ZNF747: variants seen among roughly 807,000 people sequenced by gnomAD.
ZNF747 encodes the protein zinc finger protein 747.
In ZNF747, 14 loss-of-function variants were observed where a neutral mutation model predicts 13.4. That is an observed-to-expected ratio of 1.04 (90% CI 0.69 to 1.63). The LOEUF (loss-of-function observed/expected upper bound fraction) is 1.63. Among genes scored for constraint, ZNF747 ranks in the 40% most tolerant of loss-of-function variants. The pLI, the probability that ZNF747 is intolerant of heterozygous loss-of-function variation, is 0.00. For missense variants in ZNF747, 532 were observed against 477.9 expected (o/e 1.11, Z -1.05); for synonymous variants, 212 against 206.5 (o/e 1.03, Z -0.23).
Position 30,532,754 on chromosome 16 carries a change from G to T in ZNF747, c.741C>A (p.Phe247Leu). The change falls in exon 3 of 3, where the codon TTC (phenylalanine) becomes TTA (leucine). Residue 247 changes from phenylalanine to leucine, a missense_variant. Physicochemically the swap from Phe to Leu is conservative, Grantham distance 22. Coordinates refer to ENST00000693075, the MANE Select transcript of ZNF747 (RefSeq NM_001305018.2). ...GAGAAGTCAGCGCCGTGCGGCGCAT[G>T]AAGGCCCGACCACACTCGGGACAGC... ...PHRCPECGRA[F>L]MRRTALTSHL... The T allele has an allele frequency of 6.5e-7, 1 of 1,545,070 alleles. No homozygotes were observed. Among genetic ancestry groups the T allele is most frequent in the Non-Finnish European group, 8.7e-7 (1 of 1,148,106 alleles).
rs2051367477 is a variant in ZNF747 at position 30,531,120 on chromosome 16, A to G, written c.*1379T>C. On this transcript the variant is annotated 3_prime_UTR_variant, in exon 3 of 3. Transcript: ENST00000693075. ...ATGCAAGGACTGTTTTGACACAGAC[A>G]TGGGTTCAAGAAATACTTCCCTTTC... The G allele has an allele frequency of 1.3e-5, 2 of 152,288 alleles. No individual in the cohort carries two copies. Among genetic ancestry groups the G allele is most frequent in the African/African-American group, 2.4e-5 (1 of 41,470 alleles). 9.4% of individuals were successfully genotyped at this position (152,288 alleles called of 1,614,324 possible). A position where few individuals can be genotyped will look rare whatever the true frequency, so the allele number is the denominator to read the frequency against.
At position 30,532,437 on chromosome 16, in the gene ZNF747, G is replaced by C; in HGVS notation, c.*62C>G. The C allele has an allele frequency of 6.5e-7, 1 of 1,533,596 alleles. No individual in the cohort carries two copies. Among genetic ancestry groups the C allele is most frequent in the Non-Finnish European group, 8.8e-7 (1 of 1,138,264 alleles). 95.0% of individuals were successfully genotyped at this position (1,533,596 alleles called of 1,614,324 possible). On this transcript the variant is annotated 3_prime_UTR_variant, in exon 3 of 3. Transcript: ENST00000693075. ...GACCTCCCTGCAGGCCGCTGCAGAG[G>C]TTCGGGCCCCTGAGCCCATCTCGGG...
rs749356420 is a variant in ZNF747 at position 30,532,895 on chromosome 16, G to A, written c.600C>T (p.His200=). The change falls in exon 3 of 3, where the codon CAC becomes CAT. Residue 200 remains histidine, a synonymous_variant. Coordinates refer to ENST00000693075, the MANE Select transcript of ZNF747 (RefSeq NM_001305018.2). ...SFAWRSTLVE[H]IYSHRGEKPF... ...GCTTCTCGCCCCTGTGGCTGTAAAT[G>A]TGCTCCACCAGTGTGGAGCGCCAGG... 1 of 1,599,936 alleles carries A rather than the reference G, an allele frequency of 6.3e-7. No individual in the cohort carries two copies. The highest frequency in any genetic ancestry group is 8.5e-7 in the Non-Finnish European group (1 of 1,175,842).
At chr16:30,534,083 T>G in intron 2 of ZNF747, 114 bp downstream of exon 2, 1 of 1,387,336 alleles carries the variant, frequency 7.2e-7, no homozygotes, top group Non-Finnish European at 9.5e-7. Context: ...TGGCCGCAGT[T>G]GAGGAGGCAG....
At chr16:30,534,354 TG>T (rs1336511251) in intron 1 of ZNF747, 44 bp from the exon 2 acceptor site, 1 of 1,556,728 alleles carries the variant, frequency 6.4e-7, no homozygotes, top group South Asian at 1.2e-5. Context: ...GGAGGCCGCC[TG>T]CCCGGCCCCG....
rs2051370046 is a variant in ZNF747, at chr16:30,531,267, T to C, written c.*1232A>G. 1 of 152,242 alleles carries C rather than the reference T, an allele frequency of 6.6e-6. No homozygotes were observed. The highest frequency in any genetic ancestry group is 1.5e-5 in the Non-Finnish European group (1 of 68,040). 9.4% of individuals were successfully genotyped at this position (152,242 alleles called of 1,614,324 possible). Reference sequence around the variant, plus strand: ...CCGGACCACAGTAAGTTGGGAGTTCTGGCTCCGGCCCAACTCCCAACAACT... The same window carrying C: ...CCGGACCACAGTAAGTTGGGAGTTCCGGCTCCGGCCCAACTCCCAACAACT... On this transcript the variant is annotated 3_prime_UTR_variant, in exon 3 of 3. Coordinates refer to ENST00000693075, the MANE Select transcript of ZNF747 (RefSeq NM_001305018.2).
In ZNF747 at chr16:30,532,782, TG is replaced by T; in HGVS notation, c.712del (p.His238ThrfsTer16). On this transcript the variant is annotated frameshift_variant, in exon 3 of 3. Transcript: ENST00000693075. LOFTEE classifies it low-confidence loss of function (END_TRUNC). ...HRAIHRGERP[H>X]RCPECGRAFM... ...GGCCCGACCACACTCGGGACAGCGG[TG>T]GGGCCGCTCCCCACGATGGATGGCC... The T allele has an allele frequency of 6.4e-7, 1 of 1,552,568 alleles. No individual in the cohort carries two copies.
At chr16:30,533,874 C>T (rs2051415337) in intron 2 of ZNF747, among the ~76,000 whole-genome samples, 1 of 151,968 alleles carries the variant, frequency 6.6e-6, no homozygotes, top group Non-Finnish European at 1.5e-5. Context: ...TTCAAGACTG[C>T]AGTGAGCTAT....
chr16:30,533,827 G>A (rs1026470727), intron 2 of ZNF747, among the ~76,000 whole-genome samples: 9 of 151,886 alleles, frequency 5.9e-5, no homozygotes, highest in African/African-American at 2.2e-4. Context: ...AGGCCCACGC[G>A]GGAGGATTGG....
At position 30,531,130 on chromosome 16, in the gene ZNF747, G is replaced by C. The variant is rs1182245886; in HGVS notation, c.*1369C>G. 6.6e-6 allele frequency: 1 copy of C among 152,274 alleles called. No homozygotes were observed. Among genetic ancestry groups the C allele is most frequent in the Non-Finnish European group, 1.5e-5 (1 of 68,060 alleles). 9.4% of individuals were successfully genotyped at this position (152,274 alleles called of 1,614,324 possible). A position where few individuals can be genotyped will look rare whatever the true frequency, so the allele number is the denominator to read the frequency against. The stretch of plus-strand genomic sequence containing the variant: ...TGTTTTGACACAGACATGGGTTCAA[G>C]AAATACTTCCCTTTCTTCTTTGCTG... On this transcript the variant is annotated 3_prime_UTR_variant, in exon 3 of 3. Transcript: ENST00000693075.
At position 30,532,450 on chromosome 16, in the gene ZNF747, AGCCCATC is replaced by A; in HGVS notation, c.*42_*48del. 3 of 1,553,546 alleles carry A rather than the reference AGCCCATC, an allele frequency of 1.9e-6. No homozygotes were observed. In the South Asian group the frequency reaches 3.5e-5, roughly 18 times the overall value. The stretch of plus-strand genomic sequence containing the variant: ...GCCGCTGCAGAGGTTCGGGCCCCTG[AGCCCATC>A]TCGGGCCGCCCACAATGTCTAGATG... On this transcript the variant is annotated 3_prime_UTR_variant, in exon 3 of 3. Transcript: ENST00000693075.
rs746504718 is a variant in ZNF747, at chr16:30,532,472, A to G, written c.*27T>C. 19 of 1,585,550 alleles carry G rather than the reference A, an allele frequency of 1.2e-5. No individual in the cohort carries two copies. The highest frequency in any genetic ancestry group is 2.3e-5 in the East Asian group (1 of 43,486). On this transcript the variant is annotated 3_prime_UTR_variant, in exon 3 of 3. Coordinates refer to ENST00000693075, the MANE Select transcript of ZNF747 (RefSeq NM_001305018.2). ...CTGAGCCCATCTCGGGCCGCCCACAATGTCTAGATGGTCACTTTTTAGGCC... is the reference window on the plus strand; with the variant it reads ...CTGAGCCCATCTCGGGCCGCCCACAGTGTCTAGATGGTCACTTTTTAGGCC...
intron 2 of ZNF747, among the ~76,000 whole-genome samples, chr16:30,533,596 G>A (rs893311556): frequency 5.9e-5 from 9 of 152,060 alleles, no homozygotes; most frequent in Admixed American, 2.0e-4. Context: ...AGCGGGTCAT[G>A]ATGTGGAGGT....
chr16:30,532,376 T>A lies in ZNF747; in HGVS notation c.*123A>T. 8.8e-7 allele frequency: 1 copy of A among 1,136,932 alleles called. No homozygotes were observed. The highest frequency in any genetic ancestry group is 1.3e-6 in the Non-Finnish European group (1 of 798,214). 70.4% of individuals were successfully genotyped at this position (1,136,932 alleles called of 1,614,324 possible). A position where few individuals can be genotyped will look rare whatever the true frequency, so the allele number is the denominator to read the frequency against. ...CTGCTGAGAGCCCAAGATCAGACTG[T>A]CCGCACCCCAGGCCAGCTCTTGCGG... On this transcript the variant is annotated 3_prime_UTR_variant, in exon 3 of 3. Transcript: ENST00000693075.
In ZNF747 at chr16:30,534,713, C is replaced by T. The variant is rs1203137533; in HGVS notation, c.-34G>A. 4.7e-6 allele frequency: 7 copies of T among 1,482,814 alleles called. No individual in the cohort carries two copies. The East Asian group carries it at 1.2e-4, about 26-fold the overall frequency. 91.9% of individuals were successfully genotyped at this position (1,482,814 alleles called of 1,614,324 possible). On this transcript the variant is annotated 5_prime_UTR_variant, in exon 1 of 3. Transcript: ENST00000693075. Reference sequence around the variant, plus strand: ...GCCAGGCCTGGGCATGCGGAACCTCCCGCGCCCGAGAACACTTCCCCGGCC... The same window carrying T: ...GCCAGGCCTGGGCATGCGGAACCTCTCGCGCCCGAGAACACTTCCCCGGCC...
Position 30,533,751 on chromosome 16 carries a change from T to TAAA in ZNF747, c.343+443_343+445dup, listed in dbSNP as rs544579318. On this transcript the variant is annotated intron_variant, in intron 2 of 2. Transcript: ENST00000693075. ...TCTACCTCTTTAAAATTTTTTTAAT[T>TAAA]AAAAAAAAAAAAAAAAAACCAGCCA... is the stretch of plus-strand genomic sequence containing the variant. Among the ~76,000 whole-genome samples, 55 of 109,840 alleles carry TAAA rather than the reference T, an allele frequency of 5.0e-4. 1 individual carries two copies. Among genetic ancestry groups the TAAA allele is most frequent in the African/African-American group, 1.8e-3 (50 of 28,098 alleles). The allele number at this position is 109,840 out of a possible 152,430, so 72.1% of individuals were successfully genotyped here. A position where few individuals can be genotyped will look rare whatever the true frequency, so the allele number is the denominator to read the frequency against.
chr16:30,532,391 A>G lies in ZNF747; in HGVS notation c.*108T>C. 7.8e-7 allele frequency: 1 copy of G among 1,286,438 alleles called. No homozygotes were observed. The highest frequency in any genetic ancestry group is 1.3e-5 in the South Asian group (1 of 75,342). 79.7% of individuals were successfully genotyped at this position (1,286,438 alleles called of 1,614,324 possible). A position where few individuals can be genotyped will look rare whatever the true frequency, so the allele number is the denominator to read the frequency against. On this transcript the variant is annotated 3_prime_UTR_variant, in exon 3 of 3. Coordinates refer to ENST00000693075, the MANE Select transcript of ZNF747 (RefSeq NM_001305018.2). Reference sequence around the variant, plus strand: ...GATCAGACTGTCCGCACCCCAGGCCAGCTCTTGCGGTGGATTCTGGGACCT... The same window carrying G: ...GATCAGACTGTCCGCACCCCAGGCCGGCTCTTGCGGTGGATTCTGGGACCT...
chr16:30,532,449 G>C lies in ZNF747; in HGVS notation c.*50C>G, dbSNP rs755453941. The C allele has an allele frequency of 1.7e-4, 266 of 1,553,414 alleles. No homozygotes were observed. The highest frequency in any genetic ancestry group is 2.1e-4 in the Non-Finnish European group (240 of 1,152,266). On this transcript the variant is annotated 3_prime_UTR_variant, in exon 3 of 3. Transcript: ENST00000693075. ...GGCCGCTGCAGAGGTTCGGGCCCCT[G>C]AGCCCATCTCGGGCCGCCCACAATG...
Position 30,531,980 on chromosome 16 carries a change from C to G in ZNF747, c.*519G>C. 5.8e-6 allele frequency: 1 copy of G among 171,126 alleles called. No homozygotes were observed. Among genetic ancestry groups the G allele is most frequent in the South Asian group, 1.2e-4 (1 of 8,360 alleles). 10.6% of individuals were successfully genotyped at this position (171,126 alleles called of 1,614,324 possible). A position where few individuals can be genotyped will look rare whatever the true frequency, so the allele number is the denominator to read the frequency against. ...TAGCCAACATGGTGAAACCCCATCT[C>G]TACTAAAAATACAAAAAGTTAGCCG... On this transcript the variant is annotated 3_prime_UTR_variant, in exon 3 of 3. Transcript: ENST00000693075.
Sources: allele counts gnomAD v4.1 joint callset (sites outside exome capture counted in the v4.1 genomes callset), GRCh38; gene constraint gnomAD v4.1.1; transcripts MANE v1.5; gene names NCBI Gene and HGNC (gene_info 2026-07-23, HGNC 2026-07-21).